Variants in AFF2 observed in about 807,000 individuals in gnomAD.
AFF2 encodes the protein AF4/FMR2 family member 2.
In AFF2, 14 loss-of-function variants were observed where a neutral mutation model predicts 76.9. The observed-to-expected ratio is 0.18, with a 90% confidence interval of 0.12 to 0.28. The LOEUF is 0.28. Ranked by LOEUF, AFF2 falls within the 10% of genes least tolerant of loss-of-function variation. The pLI, the probability that AFF2 is intolerant of heterozygous loss-of-function variation, is 1.00. For missense variants in AFF2, 868 were observed against 1,001.1 expected (o/e 0.87, Z 1.79); for synonymous variants, 398 against 366.7 (o/e 1.09, Z -0.98).
intron 1 of AFF2, among the ~76,000 whole-genome samples, chrX:148,608,694 A>T (rs1347950083): frequency 9.1e-6 from 1 of 109,993 alleles, no homozygotes; most frequent in Non-Finnish European, 1.9e-5. Flanking sequence ...AAAAAAAAAA[A>T]AATTGATAGA....
At position 148,581,186 on chromosome X, in the gene AFF2, CAT is replaced by C. The variant is rs1377989071; in HGVS notation, c.48-70809_48-70808del. ...ACACACATACATATACGTATACACA[CAT>C]ATACATATACGTATACGTATACACA... On this transcript the variant is annotated intron_variant, in intron 1 of 20. Transcript: ENST00000370460. Among the ~76,000 whole-genome samples the C allele has an allele frequency of 6.5e-3, 568 of 87,947 alleles. 13 individuals are homozygous for C. The highest frequency in any genetic ancestry group is 0.029 in the African/African-American group (480 of 16,501). 76.4% of individuals were successfully genotyped at this position (87,947 alleles called of 115,157 possible). A position where few individuals can be genotyped will look rare whatever the true frequency, so the allele number is the denominator to read the frequency against.
At chrX:148,735,751 T>C (rs2055277590) in intron 3 of AFF2, among the ~76,000 whole-genome samples, 1 of 111,274 alleles carries the variant, frequency 9.0e-6, no homozygotes, top group African/African-American at 3.3e-5. Context: ...ATTTGTAGTC[T>C]TTTATCCCTC....
At chrX:148,624,206 T>C (rs2053899236) in intron 1 of AFF2, among the ~76,000 whole-genome samples, 2 of 111,328 alleles carry the variant, frequency 1.8e-5, no homozygotes, top group African/African-American at 6.5e-5. Context: ...CGCAGTCCCT[T>C]CCCCATCACC....
intron 1 of AFF2, among the ~76,000 whole-genome samples, chrX:148,581,160 TAC>T (rs71820379): frequency 0.47 from 37,368 of 79,994 alleles, 8,993 homozygotes; most frequent in East Asian, 0.99. Flanking sequence ...CATATACGTA[TAC>T]ACACATACAT....
At chrX:148,709,323 G>C (rs782396106) in intron 3 of AFF2, among the ~76,000 whole-genome samples, 1 of 111,459 alleles carries the variant, frequency 9.0e-6, no homozygotes, top group African/African-American at 3.3e-5. Context: ...GAAAAGATAG[G>C]ATTAGAATGA....
In AFF2 at chrX:148,998,484, C is replaced by T. The variant is rs906492895; in HGVS notation, c.*7152C>T. Reference sequence around the variant, plus strand: ...TCGTGATAATATAACTGCATTATTACATGGCAGTATAAATATTAGTCTGTT... The same window carrying T: ...TCGTGATAATATAACTGCATTATTATATGGCAGTATAAATATTAGTCTGTT... On this transcript the variant is annotated 3_prime_UTR_variant, in exon 21 of 21. Coordinates refer to ENST00000370460, the MANE Select transcript of AFF2 (RefSeq NM_002025.4). The T allele has an allele frequency of 6.2e-5, 7 of 112,607 alleles. No individual in the cohort carries two copies. Among genetic ancestry groups the T allele is most frequent in the Admixed American group, 2.8e-4 (3 of 10,592 alleles). 9.3% of individuals were successfully genotyped at this position (112,607 alleles called of 1,213,427 possible). A position where few individuals can be genotyped will look rare whatever the true frequency, so the allele number is the denominator to read the frequency against.
intron 1 of AFF2, among the ~76,000 whole-genome samples, chrX:148,570,206 A>G (rs5936215): frequency 0.27 from 30,406 of 111,036 alleles, 3,143 homozygotes; most frequent in Non-Finnish European, 0.31. Flanking sequence ...CTACATGGTT[A>G]TAGACCCTCA....
intron 3 of AFF2, among the ~76,000 whole-genome samples, chrX:148,764,316 G>C (rs1360363221): frequency 8.9e-6 from 1 of 112,248 alleles, no homozygotes; most frequent in Non-Finnish European, 1.9e-5. Flanking sequence ...GGACACTTAT[G>C]CTGACTTTTC....
intron 19 of AFF2, among the ~76,000 whole-genome samples, chrX:148,985,210 T>A (rs1177221406): frequency 9.7e-6 from 1 of 102,899 alleles, no homozygotes; most frequent in Non-Finnish European, 2.0e-5. Context: ...GTTTTCGAAC[T>A]CCTGACCTCA....
chrX:148,857,899 G>C, intron 7 of AFF2, among the ~76,000 whole-genome samples: 1 of 111,398 alleles, frequency 9.0e-6, no homozygotes, highest in South Asian at 3.8e-4. Context: ...TTTCAATTCA[G>C]GTTTGTTGTC....
At chrX:148,776,469 C>A (rs1557268581) in intron 3 of AFF2, among the ~76,000 whole-genome samples, 1 of 112,122 alleles carries the variant, frequency 8.9e-6, no homozygotes, top group African/African-American at 3.2e-5. Context: ...AATTTACACA[C>A]CCACCAACAG....
At chrX:148,586,029 G>A (rs2053465787) in intron 1 of AFF2, among the ~76,000 whole-genome samples, 1 of 110,627 alleles carries the variant, frequency 9.0e-6, no homozygotes, top group South Asian at 3.8e-4. Flanking sequence ...ACTCATCAAT[G>A]TGTTTTTATA....
chrX:148,674,959 T>C (rs781852017), intron 3 of AFF2, among the ~76,000 whole-genome samples: 2 of 112,033 alleles, frequency 1.8e-5, no homozygotes, highest in Admixed American at 9.4e-5. Context: ...GGTGAAAGGG[T>C]TGATGGTCTG....
intron 9 of AFF2, among the ~76,000 whole-genome samples, chrX:148,909,781 A>C (rs1369966784): frequency 1.8e-5 from 2 of 112,021 alleles, no homozygotes; most frequent in Non-Finnish European, 3.8e-5. Flanking sequence ...TGTTCAAATT[A>C]TGGCTCTTTA....
At position 148,501,125 on chromosome X, in the gene AFF2, T is replaced by G. The variant is rs782429440; in HGVS notation, c.28T>G (p.Trp10Gly). The G allele has an allele frequency of 8.3e-7, 1 of 1,209,807 alleles. No individual in the cohort carries two copies. The change falls in exon 1 of 21, where the codon TGG (tryptophan) becomes GGG (glycine). Residue 10 changes from tryptophan to glycine, a missense_variant. Trp to Gly is a radical substitution (Grantham distance 184). Coordinates refer to ENST00000370460, the MANE Select transcript of AFF2 (RefSeq NM_002025.4). MDLFDFFRD[W>G]DLEQQCHYEQ... ...GGATCTATTCGACTTTTTCAGAGAC[T>G]GGGACTTGGAGCAGCAGTGGTAGGT...
At chrX:148,733,963 A>T (rs1167227429) in intron 3 of AFF2, among the ~76,000 whole-genome samples, 4 of 112,422 alleles carry the variant, frequency 3.6e-5, no homozygotes, top group African/African-American at 1.3e-4. Context: ...TTACAGCAAG[A>T]CTATTAAATA....
chrX:148,734,012 G>C (rs2055256852), intron 3 of AFF2, among the ~76,000 whole-genome samples: 2 of 112,350 alleles, frequency 1.8e-5, no homozygotes, highest in Non-Finnish European at 3.8e-5. Flanking sequence ...ATAGTGGTGA[G>C]GGACCAGAAG....
chrX:148,583,635 C>T (rs1451964092), intron 1 of AFF2, among the ~76,000 whole-genome samples: 1 of 111,401 alleles, frequency 9.0e-6, no homozygotes, highest in African/African-American at 3.3e-5. Flanking sequence ...TTTTATCTTT[C>T]TTTCATACAG....
intron 3 of AFF2, among the ~76,000 whole-genome samples, chrX:148,767,159 TA>T (rs1557267826): frequency 9.1e-6 from 1 of 110,056 alleles, no homozygotes; most frequent in African/African-American, 3.3e-5. Flanking sequence ...TTATGTTAAA[TA>T]AAAGTAACAT....
Sources: allele counts gnomAD v4.1 joint callset (sites outside exome capture counted in the v4.1 genomes callset), GRCh38; gene constraint gnomAD v4.1.1; transcripts MANE v1.5; gene names NCBI Gene and HGNC (gene_info 2026-07-23, HGNC 2026-07-21).